SLC67A1: variants seen among roughly 807,000 people sequenced by gnomAD.
The protein encoded by SLC67A1 is solute carrier family 67 member 1.
At chr11:2,906,250 G>A in the SLC67A1 span, among the ~76,000 whole-genome samples, 1 of 152,202 alleles carries the variant, frequency 6.6e-6, no homozygotes, top group Non-Finnish European at 1.5e-5. Flanking sequence ...GGAGAAATAG[G>A]AACACTTTTA....
At chr11:2,901,549 G>A in the SLC67A1 span, among the ~76,000 whole-genome samples, 28 of 152,242 alleles carry the variant, frequency 1.8e-4, no homozygotes, top group Admixed American at 1.2e-3. Flanking sequence ...TGGTGCCCAG[G>A]CCAAGGGCAG....
the SLC67A1 span, among the ~76,000 whole-genome samples, chr11:2,900,549 C>T: frequency 1.4e-4 from 22 of 151,800 alleles, no homozygotes; most frequent in African/African-American, 4.6e-4. Context: ...AAAAAATTAG[C>T]GGGGGCTGTG....
the SLC67A1 span, chr11:2,909,509 G>A: frequency 6.9e-7 from 1 of 1,456,428 alleles, no homozygotes; most frequent in South Asian, 1.3e-5. Context: ...GCTTGTGGAG[G>A]GGCGGGTCAG....
the SLC67A1 span, chr11:2,909,260 T>C: frequency 6.5e-7 from 1 of 1,537,112 alleles, no homozygotes; most frequent in Non-Finnish European, 8.7e-7. Flanking sequence ...CTTGGCGCTC[T>C]ACCTGCTCCT....
At chr11:2,900,462 G>C in the SLC67A1 span, among the ~76,000 whole-genome samples, 3 of 142,644 alleles carry the variant, frequency 2.1e-5, no homozygotes, top group Non-Finnish European at 4.4e-5. Flanking sequence ...GGAGGCCGAG[G>C]GGGGGCGGAT....
At chr11:2,904,139 C>A in the SLC67A1 span, among the ~76,000 whole-genome samples, 2 of 152,224 alleles carry the variant, frequency 1.3e-5, no homozygotes. Context: ...ATTATATTCA[C>A]CAAGTCTGGA....
the SLC67A1 span, chr11:2,919,530 G>A: frequency 1.4e-6 from 1 of 709,510 alleles, no homozygotes; most frequent in Non-Finnish European, 2.5e-6. Context: ...TCTGGCACAT[G>A]TCAGGGTCCA....
At chr11:2,902,526 G>T in the SLC67A1 span, 3 of 965,660 alleles carry the variant, frequency 3.1e-6, no homozygotes, top group Non-Finnish European at 3.7e-6. Flanking sequence ...GGCGCCAGGC[G>T]CAGCTCCCGG....
chr11:2,916,126 G>T, the SLC67A1 span: 1 of 153,278 alleles, frequency 6.5e-6, no homozygotes, highest in East Asian at 1.9e-4. Context: ...AACAGGAGGG[G>T]GGTCGGTTTC....
chr11:2,907,088 G>C, the SLC67A1 span, among the ~76,000 whole-genome samples: 1 of 151,892 alleles, frequency 6.6e-6, no homozygotes, highest in South Asian at 2.1e-4. This position sits in a 1 kb window ranked among gnomAD's most constrained non-coding sequence, Gnocchi z 6.7. Flanking sequence ...TCTGGGGTTG[G>C]GGATGGGGGG....
At chr11:2,911,708 G>A in the SLC67A1 span, among the ~76,000 whole-genome samples, 1 of 152,206 alleles carries the variant, frequency 6.6e-6, no homozygotes, top group Non-Finnish European at 1.5e-5. Flanking sequence ...GATGCTGGGA[G>A]GGTCCGAGCT....
chr11:2,925,229 C>T, the SLC67A1 span: 1 of 1,592,880 alleles, frequency 6.3e-7, no homozygotes, highest in Non-Finnish European at 8.6e-7. This position sits in a 1 kb window ranked among gnomAD's most constrained non-coding sequence, Gnocchi z 6.5. Context: ...GCAATAAACT[C>T]CTACTAAATC....
At chr11:2,903,206 T>C in the SLC67A1 span, 1 of 1,503,364 alleles carries the variant, frequency 6.7e-7, no homozygotes, top group Non-Finnish European at 8.8e-7. Context: ...TGCTGTCCTC[T>C]CTTGCAGGCA....
the SLC67A1 span, among the ~76,000 whole-genome samples, chr11:2,911,720 G>T: frequency 1.3e-5 from 2 of 152,156 alleles, no homozygotes; most frequent in African/African-American, 2.4e-5. Context: ...GTCCGAGCTC[G>T]CTCAGGCAGT....
chr11:2,916,381 C>T, the SLC67A1 span: 21 of 450,750 alleles, frequency 4.7e-5, no homozygotes, highest in African/African-American at 1.2e-4. Context: ...CAGGGGCTGC[C>T]GGGGCCTGCA....
the SLC67A1 span, chr11:2,919,322 T>C: frequency 6.2e-7 from 1 of 1,613,828 alleles, no homozygotes; most frequent in Non-Finnish European, 8.5e-7. Context: ...TTCATGGTCA[T>C]GTTCTCCATC....
chr11:2,919,561 C>T, the SLC67A1 span: 1 of 620,458 alleles, frequency 1.6e-6, no homozygotes. Context: ...GGCATACAGG[C>T]CAGGGAGGGA....
chr11:2,914,814 C>G, the SLC67A1 span: 3 of 985,460 alleles, frequency 3.0e-6, no homozygotes, highest in South Asian at 4.7e-5. Context: ...ACACGCAGGC[C>G]TCTGAGGCCA....
At chr11:2,917,778 C>A in the SLC67A1 span, among the ~76,000 whole-genome samples, 46 of 152,240 alleles carry the variant, frequency 3.0e-4, no homozygotes, top group Non-Finnish European at 1.0e-4. Context: ...CCTAGGAATG[C>A]GTAGAAGTGT....
Sources: allele counts gnomAD v4.1 joint callset (sites outside exome capture counted in the v4.1 genomes callset), GRCh38; gene constraint gnomAD v4.1.1; non-coding constraint Gnocchi (gnomAD v3.1); transcripts MANE v1.5; gene names NCBI Gene and HGNC (gene_info 2026-07-23, HGNC 2026-07-21).